Variants in XKR3 observed in about 807,000 individuals in gnomAD.
XKR3 encodes XK related 3.
Under a neutral mutation model 40.3 loss-of-function variants are expected in XKR3, and 27 were observed. That is an observed-to-expected ratio of 0.67 (90% confidence interval 0.49 to 0.92). XKR3 has a LOEUF of 0.92. XKR3 is among the 40% of genes least tolerant of loss of function. The probability of loss-of-function intolerance (pLI) is 0.00; values close to 1 mark genes in which losing one functional copy is unlikely to be tolerated. For missense variants in XKR3, 472 were observed against 537.6 expected, an observed-to-expected ratio of 0.88 and a Z score of 1.21; for synonymous variants, 193 against 195.4, an observed-to-expected ratio of 0.99 and a Z score of 0.10.
intron 2 of XKR3, among the ~76,000 whole-genome samples, chr22:16,804,128 A>G (rs1297584136): frequency 2.6e-5 from 4 of 152,168 alleles, no homozygotes; most frequent in African/African-American, 9.6e-5. Flanking sequence ...CAAAATAAAA[A>G]CACTCAACAA....
chr22:16,785,242 G>A (rs1168289548), intron 3 of XKR3, among the ~76,000 whole-genome samples: 2 of 151,980 alleles, frequency 1.3e-5, no homozygotes, highest in Non-Finnish European at 1.5e-5. Context: ...GCATGAACCC[G>A]GGAGGCGGAG....
rs1301062693 is a variant in XKR3 at position 16,808,093 on chromosome 22, C to T, written c.-10-10G>A. 2.6e-6 allele frequency: 4 copies of T among 1,566,024 alleles called. No homozygotes were observed. In the African/African-American group the frequency reaches 5.5e-5, roughly 21 times the overall value. On this transcript the variant is annotated splice_polypyrimidine_tract_variant and intron_variant, in intron 1 of 3. Coordinates refer to ENST00000684488, the MANE Select transcript of XKR3 (RefSeq NM_001386955.1). ...CTCCATTCTCAGGGTGCTGCTAATT[C>T]AAAGTCGTCTTGTCAGTGAATCCAG...
chr22:16,795,601 C>T (rs1231292354), intron 3 of XKR3, among the ~76,000 whole-genome samples: 2 of 151,890 alleles, frequency 1.3e-5, no homozygotes, highest in Non-Finnish European at 2.9e-5. Context: ...ATCACTTAAA[C>T]CAAACCAAGA....
chr22:16,800,652 C>T (rs2060165041), intron 2 of XKR3, among the ~76,000 whole-genome samples: 1 of 152,104 alleles, frequency 6.6e-6, no homozygotes, highest in South Asian at 2.1e-4. Context: ...CAGATATGAT[C>T]TATAGTGGAG....
chr22:16,818,960 G>C (rs2146180399), intron 1 of XKR3, among the ~76,000 whole-genome samples: 1 of 152,210 alleles, frequency 6.6e-6, no homozygotes, highest in Admixed American at 6.5e-5. Flanking sequence ...CAGTTGAAAT[G>C]AATCTAAACT....
In XKR3 at chr22:16,783,780, T is replaced by C; in HGVS notation, c.1219A>G (p.Lys407Glu). The C allele has an allele frequency of 1.2e-6, 2 of 1,614,204 alleles. No individual in the cohort carries two copies. Among genetic ancestry groups the C allele is most frequent in the Non-Finnish European group, 1.7e-6 (2 of 1,180,040 alleles). ...YQYLYPWQSG[K>E]VLPGRTENQP... ...TTTTCAGTACGTCCTGGCAACACTT[T>C]GCCTGACTGCCATGGGTACAAATAC... The change falls in exon 4 of 4, where the codon AAA becomes GAA. Residue 407 changes from lysine to glutamate, a missense_variant. Physicochemically the swap from Lys to Glu is moderately conservative, Grantham distance 56 (BLOSUM62 1). Coordinates refer to ENST00000684488, the MANE Select transcript of XKR3 (RefSeq NM_001386955.1).
intron 1 of XKR3, among the ~76,000 whole-genome samples, chr22:16,822,011 T>G (rs1278493679): frequency 6.6e-6 from 1 of 152,142 alleles, no homozygotes; most frequent in Non-Finnish European, 1.5e-5. Flanking sequence ...TTACTGTATC[T>G]ACAAATTAAT....
chr22:16,787,075 A>T (rs1252471271), intron 3 of XKR3, among the ~76,000 whole-genome samples: 2 of 152,152 alleles, frequency 1.3e-5, no homozygotes, highest in Non-Finnish European at 2.9e-5. Context: ...AAAAACTAAT[A>T]AAAAAGTTGA....
At chr22:16,793,319 C>G (rs1277793101) in intron 3 of XKR3, among the ~76,000 whole-genome samples, 2 of 152,190 alleles carry the variant, frequency 1.3e-5, no homozygotes, top group African/African-American at 4.8e-5. Flanking sequence ...GCCCTCGTGA[C>G]TATTTTTTGA....
chr22:16,825,201 A>G (rs1045965380), intron 1 of XKR3, among the ~76,000 whole-genome samples, 90 bp downstream of exon 1: 4 of 152,136 alleles, frequency 2.6e-5, no homozygotes, highest in African/African-American at 9.7e-5. Flanking sequence ...ATATCCAGAG[A>G]TTTATGTTAA....
chr22:16,799,665 GT>G (rs1226054631), intron 3 of XKR3, 105 bp downstream of exon 3: 2 of 1,306,086 alleles, frequency 1.5e-6, no homozygotes, highest in African/African-American at 3.0e-5. Flanking sequence ...AAAAAATTTA[GT>G]GCAACTGTAA....
At position 16,813,042 on chromosome 22, in the gene XKR3, T is replaced by C. The variant is rs188271128; in HGVS notation, c.-10-4959A>G. 2.7e-3 allele frequency among the ~76,000 whole-genome samples: 413 copies of C among 152,262 alleles called. 3 individuals carry two copies. Among genetic ancestry groups the C allele is most frequent in the African/African-American group, 9.1e-3 (378 of 41,558 alleles). On this transcript the variant is annotated intron_variant, in intron 1 of 3. Transcript: ENST00000684488. ...GCTCACGCCTGTAATCCCAGCACTT[T>C]GGGAGGCCGAGGCGGGTGGATCACG...
Position 16,807,876 on chromosome 22 carries a change from C to T in XKR3, c.198G>A (p.Trp66Ter), listed in dbSNP as rs1172648174. The T allele has an allele frequency of 1.9e-6, 3 of 1,613,816 alleles. No individual in the cohort carries two copies. Among genetic ancestry groups the T allele is most frequent in the African/African-American group, 2.7e-5 (2 of 74,882 alleles). Residue 66 changes from tryptophan (W) to a stop codon, truncating the protein, a stop_gained, in exon 2 of 4, where the codon TGG becomes TGA. Transcript: ENST00000684488. LOFTEE classifies it high-confidence loss of function. ...EIYRKANDTF[W>*]MSFTISFIIV... Reference sequence around the variant, plus strand: ...TAATAAAGCTGATGGTAAATGACATCCAGAATGTGTCATTAGCTTTTCGAT... The same window carrying T: ...TAATAAAGCTGATGGTAAATGACATTCAGAATGTGTCATTAGCTTTTCGAT...
chr22:16,799,281 G>A (rs760167675), intron 3 of XKR3, among the ~76,000 whole-genome samples: 1 of 151,264 alleles, frequency 6.6e-6, no homozygotes, highest in Non-Finnish European at 1.5e-5. Flanking sequence ...GGGCATGGTG[G>A]CGGGCACCTG....
At chr22:16,811,630 C>T (rs2146172553) in intron 1 of XKR3, among the ~76,000 whole-genome samples, 2 of 152,284 alleles carry the variant, frequency 1.3e-5, no homozygotes, top group East Asian at 3.9e-4. Context: ...TTATATTCTT[C>T]ACGTGTACGC....
intron 1 of XKR3, among the ~76,000 whole-genome samples, chr22:16,810,812 T>C (rs951117296): frequency 6.6e-6 from 1 of 152,210 alleles, no homozygotes; most frequent in Non-Finnish European, 1.5e-5. Flanking sequence ...ACATATCTTC[T>C]ACCATTCTTT....
chr22:16,800,636 C>G (rs1362215022), intron 2 of XKR3, among the ~76,000 whole-genome samples: 1 of 152,096 alleles, frequency 6.6e-6, no homozygotes, highest in Non-Finnish European at 1.5e-5. Flanking sequence ...GTGATAAAAA[C>G]ATACACAGAT....
At chr22:16,797,230 TA>T (rs1348619202) in intron 3 of XKR3, among the ~76,000 whole-genome samples, 1 of 152,184 alleles carries the variant, frequency 6.6e-6, no homozygotes, top group Non-Finnish European at 1.5e-5. Context: ...GAAAATAACC[TA>T]GGAAGCATTA....
At chr22:16,792,266 ATG>A (rs1320909777) in intron 3 of XKR3, among the ~76,000 whole-genome samples, 1 of 152,180 alleles carries the variant, frequency 6.6e-6, no homozygotes, top group Non-Finnish European at 1.5e-5. Flanking sequence ...CAATTTTCAT[ATG>A]TTTATAAATA....
Sources: gnomAD v4.1 joint callset for allele counts (sites outside exome capture counted in the v4.1 genomes callset) on GRCh38, gnomAD v4.1.1 for gene constraint, MANE v1.5 for transcripts, NCBI Gene and HGNC (gene_info 2026-07-23, HGNC 2026-07-21) for gene names.